TTC3: variants seen among roughly 807,000 people sequenced by gnomAD.
The protein encoded by TTC3 is E3 ubiquitin-protein ligase TTC3.
In TTC3, 180 loss-of-function variants were observed where a neutral mutation model predicts 249.6. The ratio of observed to expected loss-of-function variants is 0.72; its 90% CI spans 0.64 to 0.82. The LOEUF (loss-of-function observed/expected upper bound fraction) is 0.82, where lower values mean the gene tolerates loss of function less well. TTC3 is among the 40% of genes least tolerant of loss of function. The probability of loss-of-function intolerance (pLI) is 0.00; values close to 1 mark genes in which losing one functional copy is unlikely to be tolerated. For missense variants in TTC3, 2,061 were observed against 2,398.4 expected (o/e 0.86, Z 2.94); for synonymous variants, 717 against 805.0 (o/e 0.89, Z 1.85).
At chr21:37,125,309 G>A (rs143685903) in intron 14 of TTC3, among the ~76,000 whole-genome samples, 8 of 152,144 alleles carry the variant, frequency 5.3e-5, no homozygotes, top group African/African-American at 9.7e-5. Flanking sequence ...TGTCCAAATC[G>A]TACTTCTTTC....
chr21:37,138,679 C>T (rs746301088), exon 19 of TTC3: 1 of 1,612,488 alleles, frequency 6.2e-7, no homozygotes, highest in Non-Finnish European at 8.5e-7. Context: ...CGTCTATGGA[C>T]TTGCCATTTC....
chr21:37,134,870 A>G (rs573929614), intron 17 of TTC3, among the ~76,000 whole-genome samples: 142 of 152,276 alleles, frequency 9.3e-4, no homozygotes, highest in African/African-American at 3.2e-3. Flanking sequence ...CTTATATTCA[A>G]ATATATGTTA....
chr21:37,178,265 A>C (rs2082441989), intron 35 of TTC3, among the ~76,000 whole-genome samples: 1 of 152,218 alleles, frequency 6.6e-6, no homozygotes, highest in Non-Finnish European at 1.5e-5. Context: ...ATTCTGAATA[A>C]TGCTGCTGTG....
exon 36 of TTC3, chr21:37,182,780 A>G (rs2082878665): frequency 6.3e-7 from 1 of 1,584,440 alleles, no homozygotes; most frequent in Non-Finnish European, 8.5e-7. Flanking sequence ...TTAGATCTCA[A>G]AGACGGAATT....
chr21:37,110,269 G>T (rs1351972871), intron 11 of TTC3, among the ~76,000 whole-genome samples: 1 of 152,202 alleles, frequency 6.6e-6, no homozygotes, highest in Non-Finnish European at 1.5e-5. Context: ...CGAGCTAAAG[G>T]AGGAAGTTCG....
chr21:37,165,880 A>G, exon 33 of TTC3: 1 of 1,614,254 alleles, frequency 6.2e-7, no homozygotes, highest in Non-Finnish European at 8.5e-7. Context: ...AGTCTAAACC[A>G]GTGTCAGATT....
exon 33 of TTC3, chr21:37,166,132 T>C (rs1366274228): frequency 6.2e-7 from 1 of 1,614,212 alleles, no homozygotes; most frequent in South Asian, 1.1e-5. Flanking sequence ...TGAAACCAAC[T>C]TATTGGGCTC....
At chr21:37,088,330 C>A in exon 4 of TTC3, 2 of 1,612,090 alleles carry the variant, frequency 1.2e-6, no homozygotes, top group Non-Finnish European at 1.7e-6. Flanking sequence ...ACGATTGCAT[C>A]CCTGTGTGGA....
exon 46 of TTC3, chr21:37,202,143 C>G (rs2085554186): frequency 1.3e-5 from 2 of 152,164 alleles, no homozygotes; most frequent in South Asian, 4.1e-4. Flanking sequence ...CCAAAAGATT[C>G]AAATCTCCTC....
intron 36 of TTC3, among the ~76,000 whole-genome samples, chr21:37,183,555 A>G (rs532471687): frequency 1.3e-5 from 2 of 152,278 alleles, no homozygotes; most frequent in African/African-American, 4.8e-5. Flanking sequence ...TGGTCCTGCA[A>G]TCTGGGCTGA....
At chr21:37,190,261 G>A (rs144887424) in intron 39 of TTC3, among the ~76,000 whole-genome samples, 1 of 144,304 alleles carries the variant, frequency 6.9e-6, no homozygotes, top group African/African-American at 2.5e-5. Flanking sequence ...CCTGCTTCCC[G>A]AGTAGCTGGG....
intron 36 of TTC3, among the ~76,000 whole-genome samples, chr21:37,185,063 G>A (rs2083110401): frequency 6.6e-6 from 1 of 152,152 alleles, no homozygotes; most frequent in Non-Finnish European, 1.5e-5. Context: ...GAGGAGGGAG[G>A]AAGTGTTTTA....
chr21:37,192,242 TTA>T, intron 41 of TTC3, 29 bp downstream of exon 41: 1 of 1,405,988 alleles, frequency 7.1e-7, no homozygotes, highest in East Asian at 2.3e-5. Context: ...TTTTTTTTTT[TTA>T]AACCATAATT....
intron 7 of TTC3, 64 bp from the exon 8 acceptor site, chr21:37,093,941 A>T: frequency 9.8e-7 from 1 of 1,020,882 alleles, no homozygotes; most frequent in Non-Finnish European, 1.5e-6. Context: ...GAATATTATC[A>T]ATACCAATTT....
chr21:37,188,486 T>C lies in TTC3; in HGVS notation c.4924-9T>C. Reference sequence around the variant, plus strand: ...TAAAATACTCATATGTCTTCTGATCTACTGGCAGGTATCCGTACTTGAAAA... The same window carrying C: ...TAAAATACTCATATGTCTTCTGATCCACTGGCAGGTATCCGTACTTGAAAA... On this transcript the variant is annotated splice_polypyrimidine_tract_variant and intron_variant, in intron 38 of 45. Coordinates refer to ENST00000355666, the Ensembl canonical transcript of TTC3. The C allele has an allele frequency of 6.2e-7, 1 of 1,609,124 alleles. No homozygotes were observed. The highest frequency in any genetic ancestry group is 1.3e-5 in the African/African-American group (1 of 74,910).
intron 20 of TTC3, among the ~76,000 whole-genome samples, chr21:37,142,886 A>G (rs1335385632): frequency 1.3e-5 from 2 of 152,244 alleles, no homozygotes; most frequent in Non-Finnish European, 2.9e-5. Flanking sequence ...TGTTACTGGT[A>G]CCAAAACAGA....
chr21:37,095,316 C>A (rs2006941), intron 8 of TTC3, 34 bp from the exon 9 acceptor site: 725,616 of 1,456,076 alleles, frequency 0.5, 183,614 homozygotes, highest in Non-Finnish European at 0.52. Flanking sequence ...TTTTGGAGGT[C>A]ATTGATGGGT....
At chr21:37,122,685 A>G (rs993291289) in intron 12 of TTC3, among the ~76,000 whole-genome samples, 2 of 151,968 alleles carry the variant, frequency 1.3e-5, no homozygotes, top group Non-Finnish European at 2.9e-5. Context: ...TAACATGATT[A>G]TGTAATAAGA....
At chr21:37,120,720 A>T (rs973994170) in intron 11 of TTC3, among the ~76,000 whole-genome samples, 5 of 152,288 alleles carry the variant, frequency 3.3e-5, no homozygotes, top group African/African-American at 1.2e-4. Flanking sequence ...GCCACACGGT[A>T]CCCCAGAGCA....
Sources: gnomAD v4.1 joint callset for allele counts (sites outside exome capture counted in the v4.1 genomes callset) on GRCh38, gnomAD v4.1.1 for gene constraint, MANE v1.5 for transcripts, NCBI Gene and HGNC (gene_info 2026-07-23, HGNC 2026-07-21) for gene names.